SNX29: variants seen among roughly 807,000 people sequenced by gnomAD.
SNX29 encodes sorting nexin-29.
SNX29 carries 78 observed loss-of-function variants against 102.1 expected under a neutral mutation model. That is an observed-to-expected ratio of 0.76 (90% CI 0.64 to 0.92). The LOEUF (loss-of-function observed/expected upper bound fraction) is 0.92, where lower values mean the gene tolerates loss of function less well. SNX29 is among the 40% of genes least tolerant of loss of function. The pLI is 0.00. For synonymous variants in SNX29, 580 were observed against 414.5 expected (o/e 1.40, Z -4.85); for missense variants, 1,280 against 1,061.7 (o/e 1.21, Z -2.86).
chr16:12,212,509 A>G (rs1179914913), intron 14 of SNX29, among the ~76,000 whole-genome samples: 1 of 151,688 alleles, frequency 6.6e-6, no homozygotes, highest in Admixed American at 6.6e-5. Context: ...AACCTGTCCA[A>G]TCCCAGCCCT....
intron 13 of SNX29, among the ~76,000 whole-genome samples, chr16:12,190,818 G>A (rs2076623315): frequency 6.6e-6 from 1 of 152,110 alleles, no homozygotes; most frequent in South Asian, 2.1e-4. Context: ...TAGCGGGGCA[G>A]CAGCCTGGGT....
intron 20 of SNX29, among the ~76,000 whole-genome samples, chr16:12,532,647 G>A (rs750406786): frequency 2.0e-5 from 3 of 152,176 alleles, no homozygotes; most frequent in East Asian, 1.9e-4. Flanking sequence ...GATATAAAAC[G>A]TGGAATTGGC....
At chr16:12,017,070 G>A (rs1465051604) in intron 3 of SNX29, among the ~76,000 whole-genome samples, 3 of 152,072 alleles carry the variant, frequency 2.0e-5, no homozygotes, top group East Asian at 1.9e-4. Context: ...TCGAGACTGC[G>A]GTGAGCCATG....
chr16:12,232,706 C>G (rs1044307048), intron 14 of SNX29, among the ~76,000 whole-genome samples: 1 of 152,126 alleles, frequency 6.6e-6, no homozygotes, highest in Non-Finnish European at 1.5e-5. Context: ...CTTTTTGAGA[C>G]AGAGTCTCAC....
At chr16:12,440,147 G>T (rs534040710) in intron 18 of SNX29, among the ~76,000 whole-genome samples, 6 of 152,198 alleles carry the variant, frequency 3.9e-5, no homozygotes, top group African/African-American at 1.4e-4. Flanking sequence ...CAGAGCAGGA[G>T]TCAGCACCTG....
At chr16:12,341,618 A>G (rs2081612569) in intron 15 of SNX29, among the ~76,000 whole-genome samples, 1 of 152,272 alleles carries the variant, frequency 6.6e-6, no homozygotes, top group Non-Finnish European at 1.5e-5. Context: ...TCAGAAATCT[A>G]GGTGGACAGA....
At chr16:12,490,697 C>A (rs1000276066) in intron 19 of SNX29, among the ~76,000 whole-genome samples, 2 of 152,166 alleles carry the variant, frequency 1.3e-5, no homozygotes, top group African/African-American at 4.8e-5. Context: ...GAATAGGATA[C>A]CAGGCACCTG....
At chr16:12,528,740 A>G (rs1334418674) in intron 20 of SNX29, among the ~76,000 whole-genome samples, 3 of 152,110 alleles carry the variant, frequency 2.0e-5, no homozygotes, top group African/African-American at 4.8e-5. Flanking sequence ...CGGCCCCTCC[A>G]TTTGAATCTG....
intron 11 of SNX29, among the ~76,000 whole-genome samples, chr16:12,088,379 G>C (rs1000313082): frequency 2.0e-5 from 3 of 152,072 alleles, no homozygotes; most frequent in African/African-American, 7.2e-5. Flanking sequence ...GGACATGGGT[G>C]CTGACTTGTG....
chr16:12,560,669 G>A (rs895201175), intron 20 of SNX29: 14 of 156,630 alleles, frequency 8.9e-5, no homozygotes, highest in Non-Finnish European at 1.8e-4. Context: ...TTGGGGGCTG[G>A]GCTTGGATGC....
At chr16:12,147,732 A>C (rs1459431580) in intron 13 of SNX29, among the ~76,000 whole-genome samples, 1 of 152,180 alleles carries the variant, frequency 6.6e-6, no homozygotes, top group Non-Finnish European at 1.5e-5. Context: ...TTATTCGTAG[A>C]AATAATTTTT....
chr16:12,329,504 A>G (rs1047283408), intron 15 of SNX29, among the ~76,000 whole-genome samples: 2 of 152,108 alleles, frequency 1.3e-5, no homozygotes, highest in Non-Finnish European at 2.9e-5. Context: ...GTTGTCTGGT[A>G]AAGATAATTT....
At chr16:12,530,296 G>A (rs1171741173) in intron 20 of SNX29, among the ~76,000 whole-genome samples, 1 of 152,170 alleles carries the variant, frequency 6.6e-6, no homozygotes, top group Non-Finnish European at 1.5e-5. Flanking sequence ...GTGTGTCACT[G>A]TTTGTACCAA....
At chr16:12,073,345 G>A (rs923088198) in intron 10 of SNX29, among the ~76,000 whole-genome samples, 13 of 152,100 alleles carry the variant, frequency 8.5e-5, no homozygotes, top group African/African-American at 3.1e-4. Flanking sequence ...TGCTTCAAAT[G>A]TGTCCCAGAG....
At chr16:12,353,223 C>T (rs549792593) in intron 15 of SNX29, among the ~76,000 whole-genome samples, 4 of 152,294 alleles carry the variant, frequency 2.6e-5, no homozygotes, top group East Asian at 1.9e-4. Context: ...GCTCTTGCTT[C>T]GGGGCACACT....
intron 16 of SNX29, among the ~76,000 whole-genome samples, chr16:12,377,792 C>G (rs556278810): frequency 6.6e-6 from 1 of 152,264 alleles, no homozygotes; most frequent in South Asian, 2.1e-4. Flanking sequence ...TTTTCAGTTT[C>G]CTGAGTTGTA....
At chr16:12,275,094 AG>A (rs1321975417) in intron 14 of SNX29, among the ~76,000 whole-genome samples, 1 of 152,106 alleles carries the variant, frequency 6.6e-6, no homozygotes, top group East Asian at 1.9e-4. Context: ...ATGTCTACTC[AG>A]GTGTTGGAAT....
intron 8 of SNX29, among the ~76,000 whole-genome samples, chr16:12,058,271 G>A (rs1271234044): frequency 1.3e-5 from 2 of 152,146 alleles, no homozygotes; most frequent in Non-Finnish European, 2.9e-5. Context: ...TAATGTGGCT[G>A]TTGGGTGGTT....
chr16:12,225,831 G>T (rs1018572107), intron 14 of SNX29, among the ~76,000 whole-genome samples: 1 of 152,168 alleles, frequency 6.6e-6, no homozygotes, highest in Non-Finnish European at 1.5e-5. Context: ...CTAGCATCCA[G>T]CCCACATTGA....
Sources: allele counts gnomAD v4.1 joint callset (sites outside exome capture counted in the v4.1 genomes callset), GRCh38; gene constraint gnomAD v4.1.1; transcripts MANE v1.5; gene names NCBI Gene and HGNC (gene_info 2026-07-23, HGNC 2026-07-21).